Variants in TYW1 observed in about 807,000 individuals in gnomAD.
TYW1 encodes the protein S-adenosyl-L-methionine-dependent tRNA 4-demethylwyosine synthase TYW1.
TYW1 carries 46 observed loss-of-function variants against 96.2 expected under a neutral mutation model. The ratio of observed to expected loss-of-function variants is 0.48; its 90% CI spans 0.38 to 0.61. TYW1 has a LOEUF of 0.61. Ranked by LOEUF, TYW1 falls within the 20% of genes least tolerant of loss-of-function variation. The pLI, the probability that TYW1 is intolerant of heterozygous loss-of-function variation, is 0.00. For missense variants in TYW1, 684 were observed against 909.6 expected (o/e 0.75, Z 3.19); for synonymous variants, 274 against 323.0 (o/e 0.85, Z 1.63).
chr7:67,220,942 G>T (rs901016208), intron 15 of TYW1, among the ~76,000 whole-genome samples: 1 of 151,670 alleles, frequency 6.6e-6, no homozygotes, highest in Non-Finnish European at 1.5e-5. Flanking sequence ...GGTCAGGCTG[G>T]TCTTGAACTC....
intron 15 of TYW1, among the ~76,000 whole-genome samples, chr7:67,213,320 A>G (rs1801100907): frequency 6.6e-6 from 1 of 152,106 alleles, no homozygotes; most frequent in African/African-American, 2.4e-5. Flanking sequence ...GGTTCATGCC[A>G]CTGTGCCTGG....
chr7:67,187,051 AATTTTTTTTTTTT>A (rs138396685), intron 14 of TYW1, among the ~76,000 whole-genome samples: 2 of 127,486 alleles, frequency 1.6e-5, no homozygotes, highest in Non-Finnish European at 3.2e-5. Context: ...ACCACAATTA[AATTTTTTTTTTTT>A]TTTTTTTTTT....
intron 12 of TYW1, among the ~76,000 whole-genome samples, chr7:67,101,972 T>C (rs938552947): frequency 2.6e-5 from 4 of 152,246 alleles, no homozygotes; most frequent in Non-Finnish European, 5.9e-5. Context: ...TTACATAGGG[T>C]TGCCATTTCT....
chr7:67,084,198 G>A (rs1167376284), intron 11 of TYW1, among the ~76,000 whole-genome samples: 1 of 152,142 alleles, frequency 6.6e-6, no homozygotes, highest in East Asian at 1.9e-4. Context: ...TTTTAGGTTA[G>A]TGGAAAGTCT....
intron 13 of TYW1, among the ~76,000 whole-genome samples, chr7:67,138,235 G>A (rs1484720559): frequency 1.4e-4 from 21 of 152,214 alleles, no homozygotes; most frequent in Middle Eastern, 3.4e-3. Context: ...TCTCTGCTTC[G>A]AGTGTTTATT....
At chr7:67,238,089 G>C (rs1193836046) in intron 15 of TYW1, among the ~76,000 whole-genome samples, 2 of 151,496 alleles carry the variant, frequency 1.3e-5, no homozygotes, top group African/African-American at 4.9e-5. Flanking sequence ...AAAACTGCAG[G>C]CCCAAGGGAA....
intron 7 of TYW1, among the ~76,000 whole-genome samples, chr7:67,047,038 A>G (rs780090701): frequency 1.3e-5 from 2 of 152,130 alleles, no homozygotes; most frequent in Admixed American, 6.5e-5. Context: ...TTTTGGATTT[A>G]TCTGGCCTTT....
chr7:67,110,823 A>G (rs1346466654), intron 12 of TYW1, among the ~76,000 whole-genome samples: 2 of 152,030 alleles, frequency 1.3e-5, no homozygotes, highest in African/African-American at 2.4e-5. Context: ...TGGGCAACAT[A>G]GTGAGACCCT....
At chr7:67,058,796 T>C (rs1430496509) in intron 9 of TYW1, among the ~76,000 whole-genome samples, 1 of 152,002 alleles carries the variant, frequency 6.6e-6, no homozygotes, top group Non-Finnish European at 1.5e-5. Flanking sequence ...TTTTAACTTT[T>C]ATGTTTGGGC....
chr7:67,027,141 A>AGT (rs1794477003), intron 7 of TYW1, among the ~76,000 whole-genome samples: 2 of 152,084 alleles, frequency 1.3e-5, no homozygotes, highest in African/African-American at 4.8e-5. Context: ...TTGAGGCTGC[A>AGT]GTGAGCTGTG....
intron 6 of TYW1, among the ~76,000 whole-genome samples, chr7:67,022,960 G>A (rs1016417126): frequency 5.3e-5 from 8 of 152,124 alleles, no homozygotes; most frequent in African/African-American, 1.2e-4. Context: ...GCGTGACCTC[G>A]TCTAAGAGGG....
At chr7:67,065,956 G>A (rs192712793) in intron 9 of TYW1, among the ~76,000 whole-genome samples, 6 of 151,744 alleles carry the variant, frequency 4.0e-5, no homozygotes, top group African/African-American at 1.5e-4. Context: ...GGTGCAGTGA[G>A]TTGAGATCAC....
intron 3 of TYW1, among the ~76,000 whole-genome samples, chr7:67,000,666 C>A (rs1328048990): frequency 6.6e-6 from 1 of 152,030 alleles, no homozygotes; most frequent in African/African-American, 2.4e-5. Context: ...TCTTGAATTC[C>A]TGGCTTCAAG....
At chr7:67,025,069 A>G (rs2129246964) in intron 7 of TYW1, 47 bp downstream of exon 7, 2 of 1,609,948 alleles carry the variant, frequency 1.2e-6, no homozygotes, top group Non-Finnish European at 1.7e-6. Flanking sequence ...GCAGTTGGTT[A>G]ACATTTAGTA....
At chr7:67,190,693 G>A (rs1800179102) in intron 14 of TYW1, among the ~76,000 whole-genome samples, 1 of 152,222 alleles carries the variant, frequency 6.6e-6, no homozygotes, top group Admixed American at 6.5e-5. Flanking sequence ...AAGGCCTCGT[G>A]CCGTGGTGAG....
At chr7:67,124,467 G>C (rs1009782732) in intron 13 of TYW1, among the ~76,000 whole-genome samples, 1 of 152,050 alleles carries the variant, frequency 6.6e-6, no homozygotes, top group Non-Finnish European at 1.5e-5. Context: ...CTGGTTTCAA[G>C]TGATCCTCCT....
At chr7:67,029,002 C>CTT (rs752751448) in intron 7 of TYW1, among the ~76,000 whole-genome samples, 122 of 144,766 alleles carry the variant, frequency 8.4e-4, no homozygotes, top group African/African-American at 2.5e-3. Flanking sequence ...CTGATATGGA[C>CTT]TTTTTTTTTT....
intron 13 of TYW1, among the ~76,000 whole-genome samples, chr7:67,137,898 G>A (rs1262873567): frequency 6.6e-6 from 1 of 152,190 alleles, no homozygotes; most frequent in East Asian, 1.9e-4. Context: ...CCTCATCTTA[G>A]CAGCAGAGAG....
At chr7:67,065,260 C>T (rs755735533) in intron 9 of TYW1, among the ~76,000 whole-genome samples, 13 of 152,198 alleles carry the variant, frequency 8.5e-5, no homozygotes, top group Non-Finnish European at 1.5e-4. Flanking sequence ...GTCCCATTCA[C>T]GTGACCTCAC....
Sources: gnomAD v4.1 joint callset for allele counts (sites outside exome capture counted in the v4.1 genomes callset) on GRCh38, gnomAD v4.1.1 for gene constraint, MANE v1.5 for transcripts, NCBI Gene and HGNC (gene_info 2026-07-23, HGNC 2026-07-21) for gene names.